Variants in RIMKLB observed in about 807,000 individuals in gnomAD.
The protein encoded by RIMKLB is beta-citrylglutamate synthase B.
Under a neutral mutation model 32.0 loss-of-function variants are expected in RIMKLB, and 7 were observed. The observed-to-expected ratio is 0.22, with a 90% CI of 0.12 to 0.41. The LOEUF is 0.41. RIMKLB is among the 10% of genes least tolerant of loss of function. The pLI, the probability that RIMKLB is intolerant of heterozygous loss-of-function variation, is 1.00. For synonymous variants in RIMKLB, 172 were observed against 185.1 expected, an observed-to-expected ratio of 0.93 and a Z score of 0.57; for missense variants, 289 against 498.7, an observed-to-expected ratio of 0.58 and a Z score of 4.00.
Position 8,775,937 on chromosome 12 carries a change from C to A in RIMKLB, c.*2153C>A. 1 of 982,836 alleles carries A rather than the reference C, an allele frequency of 1.0e-6. No individual in the cohort carries two copies. Among genetic ancestry groups the A allele is most frequent in the African/African-American group, 1.7e-5 (1 of 57,288 alleles). 60.9% of individuals were successfully genotyped at this position (982,836 alleles called of 1,614,324 possible). Reference sequence around the variant, plus strand: ...CATTAACAGAAAGAAATACTTGGTACTTCTTTCGCTGAATGACCATACTGT... The same window carrying A: ...CATTAACAGAAAGAAATACTTGGTAATTCTTTCGCTGAATGACCATACTGT... On this transcript the variant is annotated 3_prime_UTR_variant, in exon 6 of 6. Transcript: ENST00000535829.
At chr12:8,672,644 C>T in the RIMKLB span, among the ~76,000 whole-genome samples, 3 of 152,106 alleles carry the variant, frequency 2.0e-5, no homozygotes, top group African/African-American at 7.2e-5. Context: ...GAGTCCCTCC[C>T]ATGACACATG....
upstream of RIMKLB, among the ~76,000 whole-genome samples, chr12:8,677,259 C>G (rs1376474156): frequency 6.6e-6 from 1 of 152,178 alleles, no homozygotes; most frequent in East Asian, 1.9e-4. Context: ...AGTGCACCCC[C>G]ACCCTCAGCT....
At chr12:8,756,190 A>G (rs1949009307) in intron 5 of RIMKLB, among the ~76,000 whole-genome samples, 1 of 151,618 alleles carries the variant, frequency 6.6e-6, no homozygotes, top group Non-Finnish European at 1.5e-5. Context: ...GCATCATGGC[A>G]TGCACCTGTG....
At chr12:8,769,510 A>C (rs1419529119) in intron 5 of RIMKLB, among the ~76,000 whole-genome samples, 1 of 152,132 alleles carries the variant, frequency 6.6e-6, no homozygotes, top group East Asian at 1.9e-4. Flanking sequence ...TTGTGTAATT[A>C]CTAATATACT....
chr12:8,718,665 ATATATGTGTGTGTGTGTG>A (rs1353914707), intron 2 of RIMKLB, among the ~76,000 whole-genome samples: 22 of 104,320 alleles, frequency 2.1e-4, no homozygotes, highest in African/African-American at 3.5e-4. Context: ...ATATATATAT[ATATATGTGTGTGTGTGTG>A]TGTGTGTGTG....
chr12:8,769,495 A>AT (rs1032046650), intron 5 of RIMKLB, among the ~76,000 whole-genome samples: 13 of 152,074 alleles, frequency 8.5e-5, no homozygotes, highest in African/African-American at 2.9e-4. Flanking sequence ...GATTTGGTCC[A>AT]TTTTTTGTGT....
upstream of RIMKLB, among the ~76,000 whole-genome samples, chr12:8,681,263 C>T (rs146235676): frequency 4.9e-3 from 740 of 152,138 alleles, 5 homozygotes; most frequent in African/African-American, 0.015. Flanking sequence ...CTGTGTCTGG[C>T]GGTTCTGGTC....
chr12:8,706,663 G>T (rs141208181), intron 1 of RIMKLB, among the ~76,000 whole-genome samples: 3,394 of 152,028 alleles, frequency 0.022, 48 homozygotes, highest in Admixed American at 0.034. Context: ...ATTTTGGCCA[G>T]GCTAGTCTCA....
Position 8,774,625 on chromosome 12 carries a change from G to A in RIMKLB, c.*841G>A, listed in dbSNP as rs771333656. 10 of 978,488 alleles carry A rather than the reference G, an allele frequency of 1.0e-5. No individual in the cohort carries two copies. The East Asian group carries it at 1.2e-3, about 113-fold the overall frequency. 60.6% of individuals were successfully genotyped at this position (978,488 alleles called of 1,614,324 possible). A position where few individuals can be genotyped will look rare whatever the true frequency, so the allele number is the denominator to read the frequency against. On this transcript the variant is annotated 3_prime_UTR_variant, in exon 6 of 6. Coordinates refer to ENST00000535829, the MANE Select transcript of RIMKLB (RefSeq NM_001297776.2). ...GTCTAACATTTCCTGCTCTATGCCT[G>A]CATCTTTAACAATGGCCAAAGTGAA...
At chr12:8,701,202 T>C (rs1027745261) in intron 1 of RIMKLB, among the ~76,000 whole-genome samples, 1 of 152,206 alleles carries the variant, frequency 6.6e-6, no homozygotes, top group Non-Finnish European at 1.5e-5. Context: ...GTAGGGAGAT[T>C]ACGTACAGAT....
At chr12:8,734,939 T>C (rs1204295433) in intron 2 of RIMKLB, among the ~76,000 whole-genome samples, 1 of 152,206 alleles carries the variant, frequency 6.6e-6, no homozygotes, top group East Asian at 1.9e-4. Context: ...TTTATGAGAC[T>C]TGATGTCAGC....
chr12:8,699,070 C>T (rs753814604), intron 1 of RIMKLB, among the ~76,000 whole-genome samples: 21 of 152,120 alleles, frequency 1.4e-4, no homozygotes, highest in Admixed American at 1.4e-3. Context: ...TTTGTATTGG[C>T]GAATAGCGAT....
At chr12:8,751,145 T>C (rs993322018) in intron 3 of RIMKLB, among the ~76,000 whole-genome samples, 1 of 152,218 alleles carries the variant, frequency 6.6e-6, no homozygotes, top group South Asian at 2.1e-4. Context: ...ATTAATAGTT[T>C]ATAACATGAT....
intron 5 of RIMKLB, among the ~76,000 whole-genome samples, chr12:8,754,978 G>C (rs562400651): frequency 7.8e-4 from 118 of 152,134 alleles, no homozygotes; most frequent in Middle Eastern, 3.4e-3. Context: ...TTTGAAACGA[G>C]CCTCACTCTG....
chr12:8,703,923 G>C (rs762966706), intron 1 of RIMKLB, among the ~76,000 whole-genome samples: 1 of 152,202 alleles, frequency 6.6e-6, no homozygotes, highest in African/African-American at 2.4e-5. Flanking sequence ...AGCTTTGATG[G>C]TTCTGATTTC....
intron 2 of RIMKLB, among the ~76,000 whole-genome samples, chr12:8,726,245 A>C (rs985988056): frequency 6.6e-6 from 1 of 152,236 alleles, no homozygotes; most frequent in Non-Finnish European, 1.5e-5. Flanking sequence ...GATTTTGGCC[A>C]GTAAGATGTA....
At chr12:8,730,746 A>T (rs781721803) in intron 2 of RIMKLB, among the ~76,000 whole-genome samples, 1 of 151,998 alleles carries the variant, frequency 6.6e-6, no homozygotes, top group Non-Finnish European at 1.5e-5. Flanking sequence ...TTCTTTTTTT[A>T]AAATTTTCTT....
intron 2 of RIMKLB, among the ~76,000 whole-genome samples, chr12:8,745,266 T>TA (rs1336318706): frequency 1.3e-5 from 2 of 151,678 alleles, no homozygotes; most frequent in Admixed American, 6.6e-5. Flanking sequence ...TTTGTTTTTT[T>TA]AACTGATTTT....
chr12:8,772,437 C>G (rs143404389), intron 5 of RIMKLB, among the ~76,000 whole-genome samples: 1 of 152,324 alleles, frequency 6.6e-6, no homozygotes, highest in East Asian at 1.9e-4. Context: ...TACATCAGGG[C>G]TCACTCAGCT....
Sources: allele counts gnomAD v4.1 joint callset (sites outside exome capture counted in the v4.1 genomes callset), GRCh38; gene constraint gnomAD v4.1.1; transcripts MANE v1.5; gene names NCBI Gene and HGNC (gene_info 2026-07-23, HGNC 2026-07-21).